Variants in TSHZ2 observed in about 807,000 individuals in gnomAD.
TSHZ2 encodes teashirt homolog 2.
In TSHZ2, 21 loss-of-function variants were observed where a neutral mutation model predicts 74.4. That is an observed-to-expected ratio of 0.28 (90% confidence interval 0.20 to 0.41). The LOEUF is 0.41. Among genes scored for constraint, TSHZ2 ranks in the 10% least tolerant of loss-of-function variants. The probability of loss-of-function intolerance (pLI) is 1.00; values close to 1 mark genes in which losing one functional copy is unlikely to be tolerated. For missense variants in TSHZ2, 1,244 were observed against 1,293.5 expected (o/e 0.96, Z 0.59); for synonymous variants, 540 against 515.3 (o/e 1.05, Z -0.65).
In TSHZ2 at chr20:53,433,945, G is replaced by C. The variant is rs368205723; in HGVS notation, c.*9-53199G>C. 4.6e-4 allele frequency among the ~76,000 whole-genome samples: 70 copies of C among 152,124 alleles called. 1 individual carries two copies. The South Asian group carries it at 0.014, about 30-fold the overall frequency. Reference sequence around the variant, plus strand: ...GTGCAGTGGTGCAATCTTGGCTCACGGCAACCTCCACCTCCCGAGTTCAAG... The same window carrying C: ...GTGCAGTGGTGCAATCTTGGCTCACCGCAACCTCCACCTCCCGAGTTCAAG... On this transcript the variant is annotated intron_variant, in intron 2 of 2. Transcript: ENST00000371497.
intron 2 of TSHZ2, among the ~76,000 whole-genome samples, chr20:53,447,803 C>T (rs1301445648): frequency 2.0e-5 from 3 of 152,192 alleles, no homozygotes; most frequent in Admixed American, 6.5e-5. Context: ...GCTCTCTCCT[C>T]GGTGCCTCAT....
At chr20:53,213,495 G>C (rs946701703) in intron 1 of TSHZ2, among the ~76,000 whole-genome samples, 1 of 152,116 alleles carries the variant, frequency 6.6e-6, no homozygotes, top group African/African-American at 2.4e-5. Flanking sequence ...AGTGTTTAAA[G>C]TTTAATTAAT....
intron 2 of TSHZ2, among the ~76,000 whole-genome samples, chr20:53,406,054 T>C (rs1293426863): frequency 2.0e-5 from 3 of 152,114 alleles, no homozygotes; most frequent in Non-Finnish European, 4.4e-5. Flanking sequence ...AGGTGGATGA[T>C]TCTAGACAGG....
chr20:53,405,776 G>T (rs956587324), intron 2 of TSHZ2, among the ~76,000 whole-genome samples: 2 of 152,128 alleles, frequency 1.3e-5, no homozygotes, highest in African/African-American at 4.8e-5. Context: ...TGGGTGGATT[G>T]CTTGAGCTCA....
chr20:53,115,439 T>G (rs1278589616), intron 1 of TSHZ2, among the ~76,000 whole-genome samples: 1 of 152,186 alleles, frequency 6.6e-6, no homozygotes, highest in Non-Finnish European at 1.5e-5. Context: ...CATTCTCTCT[T>G]GCCTGCTGCC....
At chr20:53,105,053 A>C (rs1318233535) in intron 1 of TSHZ2, among the ~76,000 whole-genome samples, 2 of 152,214 alleles carry the variant, frequency 1.3e-5, no homozygotes, top group Non-Finnish European at 2.9e-5. Context: ...ATTTGGTTAG[A>C]GATTTCTGCA....
chr20:53,226,138 A>G (rs906940076), intron 1 of TSHZ2, among the ~76,000 whole-genome samples: 2 of 79,046 alleles, frequency 2.5e-5, no homozygotes, highest in Non-Finnish European at 5.9e-5. Flanking sequence ...ACACACACAC[A>G]CACACACACA....
chr20:53,395,612 G>C (rs1212982177), intron 2 of TSHZ2, among the ~76,000 whole-genome samples: 1 of 152,218 alleles, frequency 6.6e-6, no homozygotes, highest in Non-Finnish European at 1.5e-5. Context: ...AGAAATAAAA[G>C]CTGTGGCCAA....
In TSHZ2 at chr20:53,361,304, A is replaced by G. The variant is rs564358647; in HGVS notation, c.*8+104733A>G. Among the ~76,000 whole-genome samples, 17 of 152,278 alleles carry G rather than the reference A, an allele frequency of 1.1e-4. No individual in the cohort carries two copies. The South Asian group carries it at 3.5e-3, about 32-fold the overall frequency. ...GAAGCTGTTCTTTGGGAGAAATGAT[A>G]TTTTTTAGCTTCTTCCTCAGGCCTG... On this transcript the variant is annotated intron_variant, in intron 2 of 2. Coordinates refer to ENST00000371497, the MANE Select transcript of TSHZ2 (RefSeq NM_173485.6).
intron 2 of TSHZ2, among the ~76,000 whole-genome samples, chr20:53,465,909 G>T (rs1985542105): frequency 6.7e-6 from 1 of 150,160 alleles, no homozygotes; most frequent in South Asian, 2.1e-4. Context: ...CTCTTTTCCA[G>T]TGTAGACACA....
At chr20:53,221,809 T>G (rs1023813625) in intron 1 of TSHZ2, among the ~76,000 whole-genome samples, 4 of 152,212 alleles carry the variant, frequency 2.6e-5, no homozygotes, top group Non-Finnish European at 4.4e-5. Context: ...TAACCAGCAG[T>G]TTGCATTATG....
At chr20:53,468,683 C>T (rs1301893351) in intron 2 of TSHZ2, among the ~76,000 whole-genome samples, 4 of 92,000 alleles carry the variant, frequency 4.3e-5, no homozygotes, top group African/African-American at 1.4e-4. Context: ...GCATCCATTA[C>T]GAGACAAAAA....
At chr20:53,431,787 C>T (rs1461727279) in intron 2 of TSHZ2, among the ~76,000 whole-genome samples, 1 of 152,176 alleles carries the variant, frequency 6.6e-6, no homozygotes, top group African/African-American at 2.4e-5. Context: ...TAAGATATTT[C>T]TCTAAGTGTC....
chr20:53,266,930 C>T (rs879374849), intron 2 of TSHZ2, among the ~76,000 whole-genome samples: 5 of 152,034 alleles, frequency 3.3e-5, no homozygotes, highest in African/African-American at 1.2e-4. Context: ...GGTGCCACCA[C>T]CACACTCAGC....
Position 53,167,039 on chromosome 20 carries a change from T to G in TSHZ2, c.41-86460T>G, listed in dbSNP as rs146742449. Among the ~76,000 whole-genome samples, 349 of 152,230 alleles carry G rather than the reference T, an allele frequency of 2.3e-3. 3 individuals carry two copies. Among genetic ancestry groups the G allele is most frequent in the African/African-American group, 8.2e-3 (340 of 41,542 alleles). On this transcript the variant is annotated intron_variant, in intron 1 of 2. Transcript: ENST00000371497. ...TGACCAGAAGGCTGAGTAGTCCCAGTCATGACAAAAATCTGGAGGAAGACC... is the reference window on the plus strand; with the variant it reads ...TGACCAGAAGGCTGAGTAGTCCCAGGCATGACAAAAATCTGGAGGAAGACC...
chr20:53,151,754 A>G (rs1322113444), intron 1 of TSHZ2, among the ~76,000 whole-genome samples: 1 of 152,210 alleles, frequency 6.6e-6, no homozygotes, highest in Non-Finnish European at 1.5e-5. Flanking sequence ...CTATCACCTC[A>G]TGGCCTTTCT....
At chr20:53,342,193 G>A (rs6022404) in intron 2 of TSHZ2, among the ~76,000 whole-genome samples, 39,743 of 151,256 alleles carry the variant, frequency 0.26, 6,015 homozygotes, top group South Asian at 0.41. Flanking sequence ...TTTCCTTAGT[G>A]TTTCCCTGCG....
intron 1 of TSHZ2, among the ~76,000 whole-genome samples, chr20:53,098,315 G>T (rs73140237): frequency 0.067 from 10,176 of 152,180 alleles, 428 homozygotes; most frequent in Non-Finnish European, 0.1. Context: ...GTCTATGTCT[G>T]GGGTAGTAAA....
At chr20:53,143,715 T>TA (rs1167605898) in intron 1 of TSHZ2, among the ~76,000 whole-genome samples, 8 of 150,936 alleles carry the variant, frequency 5.3e-5, no homozygotes, top group Non-Finnish European at 7.4e-5. Context: ...AATAAATAAA[T>TA]AATAATAATA....
Sources: gnomAD v4.1 joint callset for allele counts (sites outside exome capture counted in the v4.1 genomes callset) on GRCh38, gnomAD v4.1.1 for gene constraint, MANE v1.5 for transcripts, NCBI Gene and HGNC (gene_info 2026-07-23, HGNC 2026-07-21) for gene names.